Variants in TJP3 observed in about 807,000 individuals in gnomAD.
TJP3 encodes the protein tight junction protein 3.
TJP3 carries 85 observed loss-of-function variants against 104.2 expected under a neutral mutation model. The ratio of observed to expected loss-of-function variants is 0.82; its 90% CI spans 0.68 to 0.98. The LOEUF (loss-of-function observed/expected upper bound fraction) is 0.98. Ranked by LOEUF, TJP3 falls within the 50% of genes least tolerant of loss-of-function variation. The pLI is 0.00. For synonymous variants in TJP3, 550 were observed against 550.6 expected, an observed-to-expected ratio of 1.00 and a Z score of 0.02; for missense variants, 1,367 against 1,322.8, an observed-to-expected ratio of 1.03 and a Z score of -0.52.
At chr19:3,736,878 CT>C (rs35482912) in intron 11 of TJP3, among the ~76,000 whole-genome samples, 62,878 of 111,638 alleles carry the variant, frequency 0.56, 16,833 homozygotes, top group African/African-American at 0.67. Flanking sequence ...GCCTGGCTAA[CT>C]TTTTTTTTTT....
At chr19:3,724,120 C>G (rs189324797) in intron 1 of TJP3, among the ~76,000 whole-genome samples, 2 of 151,972 alleles carry the variant, frequency 1.3e-5, no homozygotes, top group East Asian at 1.9e-4. Flanking sequence ...CCCGCACAAG[C>G]TGGGACAAGC....
At position 3,750,758 on chromosome 19, in the gene TJP3, C is replaced by T; in HGVS notation, c.*74C>T. 1.5e-6 allele frequency: 2 copies of T among 1,307,020 alleles called. No individual in the cohort carries two copies. The highest frequency in any genetic ancestry group is 1.5e-5 in the African/African-American group (1 of 68,470). 81.0% of individuals were successfully genotyped at this position (1,307,020 alleles called of 1,614,324 possible). ...CTGGGACTCAGTTTCCCATACAGAA[C>T]CCACAACCTTACCTCCCTCCGCCTG... On this transcript the variant is annotated 3_prime_UTR_variant, in exon 21 of 21. Coordinates refer to ENST00000541714, the MANE Select transcript of TJP3 (RefSeq NM_001267560.2).
intron 1 of TJP3, among the ~76,000 whole-genome samples, chr19:3,717,918 T>A (rs1351981651): frequency 2.1e-4 from 28 of 132,368 alleles, no homozygotes; most frequent in Admixed American, 3.9e-4. Flanking sequence ...ACTGGCTAAT[T>A]AAAAAAAAAA....
At chr19:3,739,889 G>A (rs1327728080) in intron 13 of TJP3, among the ~76,000 whole-genome samples, 3 of 152,076 alleles carry the variant, frequency 2.0e-5, no homozygotes, top group South Asian at 2.1e-4. Flanking sequence ...TGAGGACATC[G>A]GGTCCCCTGG....
intron 1 of TJP3, among the ~76,000 whole-genome samples, chr19:3,719,199 C>T (rs994152638): frequency 5.9e-5 from 9 of 151,898 alleles, no homozygotes; most frequent in Admixed American, 5.2e-4. Flanking sequence ...TGGTGGACAT[C>T]GCTGGACCTT....
At chr19:3,718,078 T>TG in intron 1 of TJP3, among the ~76,000 whole-genome samples, 1 of 150,996 alleles carries the variant, frequency 6.6e-6, no homozygotes, top group East Asian at 2.0e-4. Flanking sequence ...GCCGGGCATG[T>TG]GCCTGTAGTC....
At chr19:3,742,614 C>T (rs920551571) in intron 14 of TJP3, among the ~76,000 whole-genome samples, 1 of 139,258 alleles carries the variant, frequency 7.2e-6, no homozygotes, top group Non-Finnish European at 1.5e-5. Flanking sequence ...ACTGTCATCG[C>T]GCTGCTCCAA....
At chr19:3,728,110 C>T (rs535588383) in intron 1 of TJP3, among the ~76,000 whole-genome samples, 1 of 151,080 alleles carries the variant, frequency 6.6e-6, no homozygotes, top group Non-Finnish European at 1.5e-5. Context: ...TGTGGTGGTG[C>T]ACCCCTGTAA....
At chr19:3,734,194 C>T (rs979948074) in intron 7 of TJP3, 133 bp from the exon 8 acceptor site, 8 of 1,034,858 alleles carry the variant, frequency 7.7e-6, no homozygotes, top group South Asian at 1.5e-5. Context: ...GCTCCAGAGC[C>T]GAATCTTCTA....
chr19:3,731,632 T>C (rs1385459796), intron 5 of TJP3, among the ~76,000 whole-genome samples: 3 of 151,678 alleles, frequency 2.0e-5, no homozygotes, highest in African/African-American at 7.3e-5. Flanking sequence ...AGACTCCTTC[T>C]CGAAAAAAAT....
chr19:3,714,236 G>A (rs1438923755), intron 1 of TJP3, among the ~76,000 whole-genome samples: 1 of 152,012 alleles, frequency 6.6e-6, no homozygotes, highest in African/African-American at 2.4e-5. Context: ...TTTTAGTAGA[G>A]ACAGGGTTTC....
In TJP3 at chr19:3,747,901, C is replaced by T. The variant is rs368046150; in HGVS notation, c.2430C>T (p.Asp810=). The T allele has an allele frequency of 1.0e-4, 169 of 1,613,198 alleles. No individual in the cohort carries two copies. Among genetic ancestry groups the T allele is most frequent in the African/African-American group, 8.7e-4 (65 of 75,050 alleles). The change falls in exon 19 of 21, where the codon GAC becomes GAT. Residue 810 remains aspartate, a synonymous_variant. Coordinates refer to ENST00000541714, the MANE Select transcript of TJP3 (RefSeq NM_001267560.2). The part of the protein sequence containing the change: ...DSRVNSDYET[D]GEGGAYTDGE... ...GCGTTAACAGCGACTACGAGACGGA[C>T]GGCGAGGGCGGCGCGTACACGGATG...
chr19:3,747,893 G>C lies in TJP3; in HGVS notation c.2422G>C (p.Glu808Gln). 6.2e-7 allele frequency: 1 copy of C among 1,613,276 alleles called. No homozygotes were observed. The highest frequency in any genetic ancestry group is 8.5e-7 in the Non-Finnish European group (1 of 1,179,946). The change falls in exon 19 of 21, where the codon GAG becomes CAG. Residue 808 changes from glutamate (E) to glutamine (Q), a missense_variant. By Grantham distance (29) the Glu-to-Gln change is conservative. Coordinates refer to ENST00000541714, the MANE Select transcript of TJP3 (RefSeq NM_001267560.2). ...SCDSRVNSDY[E>Q]TDGEGGAYTD... Reference sequence around the variant, plus strand: ...CGACAGCCGCGTTAACAGCGACTACGAGACGGACGGCGAGGGCGGCGCGTA... The same window carrying C: ...CGACAGCCGCGTTAACAGCGACTACCAGACGGACGGCGAGGGCGGCGCGTA...
chr19:3,722,140 C>A (rs1568379469), intron 1 of TJP3, among the ~76,000 whole-genome samples: 1 of 152,208 alleles, frequency 6.6e-6, no homozygotes, highest in African/African-American at 2.4e-5. Flanking sequence ...CTGGAGCCTC[C>A]TCTGCCCCAG....
In TJP3 at chr19:3,717,070, A is replaced by G. The variant is rs183170705; in HGVS notation, c.-10+8509A>G. Among the ~76,000 whole-genome samples, 14 of 145,670 alleles carry G rather than the reference A, an allele frequency of 9.6e-5. 1 individual carries two copies. Among genetic ancestry groups the G allele is most frequent in the Non-Finnish European group, 2.1e-4 (14 of 65,174 alleles). ...AACCTCCGCCTCCCGGGCTCAAGCA[A>G]TTCTCTTGCCTCAGCCTCTCTAGTA... On this transcript the variant is annotated intron_variant, in intron 1 of 20. Transcript: ENST00000541714.
rs747787744 is a variant in TJP3 at position 3,736,172 on chromosome 19, C to G, written c.1135C>G (p.Pro379Ala). 6.3e-7 allele frequency: 1 copy of G among 1,592,060 alleles called. No individual in the cohort carries two copies. The highest frequency in any genetic ancestry group is 8.6e-7 in the Non-Finnish European group (1 of 1,169,290). Reference sequence around the variant, plus strand: ...CTCTGCCTCCCCTTGCAGGTACAGCCCCGACACGCGTGTGGTCCGCTTCCT... The same window carrying G: ...CTCTGCCTCCCCTTGCAGGTACAGCGCCGACACGCGTGTGGTCCGCTTCCT... ...SQSMEDRGYS[P>A]DTRVVRFLKG... The change falls in exon 11 of 21, where the codon CCC (proline) becomes GCC (alanine). Residue 379 changes from proline (P) to alanine (A), a missense_variant. Pro to Ala is a conservative substitution (Grantham distance 27, BLOSUM62 -1). Transcript: ENST00000541714.
chr19:3,748,771 T>TTGG (rs1340624164), intron 19 of TJP3, among the ~76,000 whole-genome samples: 1 of 149,576 alleles, frequency 6.7e-6, no homozygotes, highest in African/African-American at 2.5e-5. Flanking sequence ...TTTCTCCATG[T>TTGG]TGGTCAGGCT....
chr19:3,743,576 G>A (rs1197564435), intron 14 of TJP3: 1 of 194,616 alleles, frequency 5.1e-6, no homozygotes, highest in South Asian at 1.3e-4. Context: ...ACATGCAGTG[G>A]GCCAGATGTG....
intron 1 of TJP3, among the ~76,000 whole-genome samples, chr19:3,715,557 G>A (rs774070788): frequency 8.5e-5 from 13 of 152,082 alleles, no homozygotes; most frequent in Admixed American, 7.9e-4. Context: ...GAGAGCAGAC[G>A]GTGGGTGGTT....
Sources: gnomAD v4.1 joint callset for allele counts (sites outside exome capture counted in the v4.1 genomes callset) on GRCh38, gnomAD v4.1.1 for gene constraint, MANE v1.5 for transcripts, NCBI Gene and HGNC (gene_info 2026-07-23, HGNC 2026-07-21) for gene names.